BRAP: variants seen among roughly 807,000 people sequenced by gnomAD.
The protein encoded by BRAP is BRCA1-associated protein.
BRAP carries 42 observed loss-of-function variants against 73.4 expected under a neutral mutation model. That is an observed-to-expected ratio of 0.57 (90% CI 0.45 to 0.74). The LOEUF (loss-of-function observed/expected upper bound fraction) is 0.74, where lower values mean the gene tolerates loss of function less well. BRAP is among the 30% of genes least tolerant of loss of function. The probability of loss-of-function intolerance (pLI) is 0.00; values close to 1 mark genes in which losing one functional copy is unlikely to be tolerated. For synonymous variants in BRAP, 255 were observed against 267.4 expected, an observed-to-expected ratio of 0.95 and a Z score of 0.45; for missense variants, 593 against 751.4, an observed-to-expected ratio of 0.79 and a Z score of 2.46.
intron 11 of BRAP, among the ~76,000 whole-genome samples, chr12:111,648,992 C>A (rs1270992937): frequency 1.3e-5 from 2 of 152,014 alleles, no homozygotes; most frequent in Admixed American, 6.6e-5. Context: ...CAGGGAAAGA[C>A]CCTGTCTCCA....
At chr12:111,654,934 G>A (rs1332786726) in intron 10 of BRAP, among the ~76,000 whole-genome samples, 2 of 152,170 alleles carry the variant, frequency 1.3e-5, no homozygotes, top group Non-Finnish European at 2.9e-5. Flanking sequence ...ATACACAGAT[G>A]CTTACTAGTT....
In BRAP at chr12:111,660,564, T is replaced by C. The variant is rs752648644; in HGVS notation, c.972+36A>G. On this transcript the variant is annotated intron_variant, in intron 7 of 11. Coordinates refer to ENST00000419234, the MANE Select transcript of BRAP (RefSeq NM_006768.5). ...GAAGAAAACTCATGACAATTAAAGC[T>C]GCATTCTTTGTTCTTTTCCATCACC... The C allele has an allele frequency of 1.0e-5, 16 of 1,552,212 alleles. No homozygotes were observed. The East Asian group carries it at 3.5e-4, about 34-fold the overall frequency.
At chr12:111,660,301 C>T (rs113029900) in intron 7 of BRAP, among the ~76,000 whole-genome samples, 10 of 151,966 alleles carry the variant, frequency 6.6e-5, no homozygotes, top group African/African-American at 2.4e-4. Flanking sequence ...TCAGGAGTAA[C>T]ATAATTTGTG....
At chr12:111,646,826 T>C (rs1240985347) in intron 11 of BRAP, among the ~76,000 whole-genome samples, 1 of 152,224 alleles carries the variant, frequency 6.6e-6, no homozygotes, top group Non-Finnish European at 1.5e-5. Flanking sequence ...ACAGCTATTT[T>C]ACTTCTAGGA....
chr12:111,682,744 T>C (rs1163306249), intron 2 of BRAP, among the ~76,000 whole-genome samples: 2 of 151,874 alleles, frequency 1.3e-5, no homozygotes, highest in Non-Finnish European at 2.9e-5. Flanking sequence ...AAACCTTGTC[T>C]CTACTGAAAA....
chr12:111,659,454 G>C, intron 7 of BRAP, 109 bp from the exon 8 acceptor site: 1 of 1,007,698 alleles, frequency 9.9e-7, no homozygotes, highest in Admixed American at 2.5e-5. Context: ...AGGAGTTCGA[G>C]ACCAGCCTGG....
intron 11 of BRAP, among the ~76,000 whole-genome samples, chr12:111,645,770 A>G (rs994497394): frequency 6.6e-6 from 1 of 151,906 alleles, no homozygotes; most frequent in South Asian, 2.1e-4. Context: ...TCAGTAAATG[A>G]AACAGGAAAT....
At position 111,665,437 on chromosome 12, in the gene BRAP, C is replaced by T. The variant is rs1043364403; in HGVS notation, c.896+202G>A. Among the ~76,000 whole-genome samples the T allele has an allele frequency of 1.3e-5, 2 of 151,984 alleles. No individual in the cohort carries two copies. The highest frequency in any genetic ancestry group is 2.9e-5 in the Non-Finnish European group (2 of 67,994). Reference sequence around the variant, plus strand: ...ACAACTCATGCTGCTTTGGGGAATTCCACAAGGGTTCAGAATCAGCATACT... The same window carrying T: ...ACAACTCATGCTGCTTTGGGGAATTTCACAAGGGTTCAGAATCAGCATACT... On this transcript the variant is annotated intron_variant, in intron 6 of 11. Transcript: ENST00000419234. The surrounding 1 kb of genome is among the most constrained non-coding windows in gnomAD (Gnocchi z 4.3).
chr12:111,655,735 A>G, intron 9 of BRAP, 80 bp from the exon 10 acceptor site: 1 of 1,184,826 alleles, frequency 8.4e-7, no homozygotes, highest in South Asian at 1.2e-5. Flanking sequence ...TCTGATATTT[A>G]ATGATCCACA....
At chr12:111,669,829 AC>A (rs1010587228) in intron 5 of BRAP, 27 of 599,754 alleles carry the variant, frequency 4.5e-5, no homozygotes, top group Non-Finnish European at 6.7e-5. Context: ...CCCACCCCAC[AC>A]CCCAATTTCA....
chr12:111,677,916 T>C (rs1009430063), intron 4 of BRAP, among the ~76,000 whole-genome samples: 1 of 152,120 alleles, frequency 6.6e-6, no homozygotes, highest in Non-Finnish European at 1.5e-5. Flanking sequence ...ACACTAAAGC[T>C]TCTCTCTGGA....
intron 6 of BRAP, among the ~76,000 whole-genome samples, chr12:111,663,855 G>A (rs1703043630): frequency 6.6e-6 from 1 of 152,200 alleles, no homozygotes; most frequent in Admixed American, 6.6e-5. Flanking sequence ...CCATATGACA[G>A]GTTGAATTCT....
intron 5 of BRAP, chr12:111,670,269 A>G: frequency 1.7e-6 from 1 of 589,878 alleles, no homozygotes; most frequent in East Asian, 4.4e-5. Flanking sequence ...CCATTACTGG[A>G]AGAAACAGTT....
chr12:111,661,726 T>G (rs1406667114), intron 6 of BRAP, among the ~76,000 whole-genome samples: 2 of 151,788 alleles, frequency 1.3e-5, no homozygotes, highest in African/African-American at 2.4e-5. Context: ...TTTTTTTTTT[T>G]TGTGAGACAG....
intron 11 of BRAP, among the ~76,000 whole-genome samples, chr12:111,648,925 C>T (rs1886218488): frequency 1.3e-5 from 2 of 151,584 alleles, no homozygotes; most frequent in South Asian, 4.2e-4. Context: ...GACTCCGTTT[C>T]AAGAAAAAAA....
intron 11 of BRAP, among the ~76,000 whole-genome samples, chr12:111,646,092 G>A (rs538308180): frequency 5.3e-5 from 8 of 152,062 alleles, no homozygotes; most frequent in East Asian, 3.9e-4. Flanking sequence ...AAATCAGCCC[G>A]GTCAACATAG....
intron 4 of BRAP, among the ~76,000 whole-genome samples, chr12:111,678,324 C>A (rs1244376080): frequency 6.6e-6 from 1 of 150,476 alleles, no homozygotes; most frequent in Non-Finnish European, 1.5e-5. Context: ...TTCAAAAAGT[C>A]TGGGAACCAC....
chr12:111,672,606 A>G, intron 5 of BRAP, 55 bp downstream of exon 5: 1 of 1,496,114 alleles, frequency 6.7e-7, no homozygotes, highest in Admixed American at 1.8e-5. Flanking sequence ...CTTAGCATTC[A>G]ATTTTACACC....
chr12:111,648,599 C>A (rs893986776), intron 11 of BRAP, among the ~76,000 whole-genome samples: 1 of 143,274 alleles, frequency 7.0e-6, no homozygotes, highest in Non-Finnish European at 1.5e-5. Context: ...TGCGCCACTG[C>A]ACTCCAGCCT....
Sources: gnomAD v4.1 joint callset for allele counts (sites outside exome capture counted in the v4.1 genomes callset) on GRCh38, gnomAD v4.1.1 for gene constraint, Gnocchi (gnomAD v3.1) non-coding constraint, MANE v1.5 for transcripts, NCBI Gene and HGNC (gene_info 2026-07-23, HGNC 2026-07-21) for gene names.